ADGRG7: variants seen among roughly 807,000 people sequenced by gnomAD.
The protein encoded by ADGRG7 is adhesion G protein-coupled receptor G7.
ADGRG7 carries 82 observed loss-of-function variants against 88.6 expected under a neutral mutation model. That is an observed-to-expected ratio of 0.93 (90% CI 0.77 to 1.11). ADGRG7 has a LOEUF of 1.11. Among genes scored for constraint, ADGRG7 ranks in the 50% most tolerant of loss-of-function variants. The pLI is 0.00. For missense variants in ADGRG7, 945 were observed against 953.4 expected (o/e 0.99, Z 0.12); for synonymous variants, 381 against 345.2 (o/e 1.10, Z -1.15).
At position 100,628,677 on chromosome 3, in the gene ADGRG7, A is replaced by G. The variant is rs1280079872; in HGVS notation, c.116-921A>G. ...AACCCTGTATTCTTCCACTTAGTTAATTTGTTCACCTTTCACTCTGTTTTA... is the reference window on the plus strand; with the variant it reads ...AACCCTGTATTCTTCCACTTAGTTAGTTTGTTCACCTTTCACTCTGTTTTA... On this transcript the variant is annotated intron_variant, in intron 1 of 15. Transcript: ENST00000273352. Among the ~76,000 whole-genome samples the G allele has an allele frequency of 3.3e-5, 5 of 152,134 alleles. No homozygotes were observed. The East Asian group carries it at 9.6e-4, about 29-fold the overall frequency.
intron 4 of ADGRG7, among the ~76,000 whole-genome samples, chr3:100,634,280 C>G (rs1707500311): frequency 6.6e-6 from 1 of 152,160 alleles, no homozygotes; most frequent in Non-Finnish European, 1.5e-5. Flanking sequence ...CATATGTTAT[C>G]ACATTTAATC....
chr3:100,650,533 A>C (rs558268309), intron 11 of ADGRG7, among the ~76,000 whole-genome samples: 32 of 152,352 alleles, frequency 2.1e-4, no homozygotes, highest in South Asian at 4.1e-4. Flanking sequence ...AATGTTCCAC[A>C]ATGAAGATTT....
At position 100,651,696 on chromosome 3, in the gene ADGRG7, A is replaced by T. The variant is rs554495109; in HGVS notation, c.1379+1889A>T. The stretch of plus-strand genomic sequence containing the variant: ...ACATCTCAAACAAATTTTTTTTTTT[A>T]AAGAGAGAAAAAACAAAACAAAAAT... On this transcript the variant is annotated intron_variant, in intron 11 of 15. Transcript: ENST00000273352. Among the ~76,000 whole-genome samples the T allele has an allele frequency of 1.7e-3, 253 of 151,908 alleles. 2 individuals carry two copies. The highest frequency in any genetic ancestry group is 5.6e-3 in the African/African-American group (233 of 41,468).
intron 1 of ADGRG7, among the ~76,000 whole-genome samples, chr3:100,628,194 T>C (rs1386503368): frequency 1.3e-5 from 2 of 152,174 alleles, no homozygotes; most frequent in Non-Finnish European, 2.9e-5. Flanking sequence ...GTGGAAATAC[T>C]ATAGAGACTT....
At position 100,609,975 on chromosome 3, in the gene ADGRG7, ATGT is replaced by A; in HGVS notation, c.115+8_115+10del. 6.2e-7 allele frequency: 1 copy of A among 1,605,656 alleles called. No individual in the cohort carries two copies. The highest frequency in any genetic ancestry group is 1.1e-5 in the South Asian group (1 of 90,894). ...ATTGTGATCAGGATCCAAAGAGGTAATGTTGTCCTGCTATGTTTAACTCAGAGT... is the reference window on the plus strand; with the variant it reads ...ATTGTGATCAGGATCCAAAGAGGTAATGTCCTGCTATGTTTAACTCAGAGT... On this transcript the variant is annotated splice_donor_5th_base_variant and intron_variant, in intron 1 of 15. Coordinates refer to ENST00000273352, the MANE Select transcript of ADGRG7 (RefSeq NM_032787.3).
At chr3:100,636,494 A>G (rs78774300) in intron 5 of ADGRG7, among the ~76,000 whole-genome samples, 5,606 of 152,314 alleles carry the variant, frequency 0.037, 163 homozygotes, top group Non-Finnish European at 0.06. Context: ...GAAAACAAGT[A>G]TATTCAACAT....
chr3:100,662,856 A>G (rs1393775143), intron 14 of ADGRG7, among the ~76,000 whole-genome samples: 1 of 123,348 alleles, frequency 8.1e-6, no homozygotes, highest in Non-Finnish European at 1.9e-5. Flanking sequence ...TGGAGTTATT[A>G]TCGGGGGATG....
At position 100,659,698 on chromosome 3, in the gene ADGRG7, G is replaced by A; in HGVS notation, c.1834G>A (p.Ala612Thr). 3 of 1,612,974 alleles carry A rather than the reference G, an allele frequency of 1.9e-6. No homozygotes were observed. Among genetic ancestry groups the A allele is most frequent in the Non-Finnish European group, 2.5e-6 (3 of 1,179,660 alleles). Residue 612 changes from alanine to threonine, a missense_variant, in exon 14 of 16, where the codon GCA (alanine) becomes ACA (threonine). Transcript: ENST00000273352. ...TTTTTTCCTCCACAGCTGCTGGCTG[G>A]CAATTCCAGAACCCAATGGTGTTAT... is the stretch of plus-strand genomic sequence containing the variant. ...DYRQEKICWL[A>T]IPEPNGVIKS...
At position 100,646,099 on chromosome 3, in the gene ADGRG7, T is replaced by C. The variant is rs1021489760; in HGVS notation, c.1101T>C (p.Phe367=). 2 of 1,613,156 alleles carry C rather than the reference T, an allele frequency of 1.2e-6. No homozygotes were observed. The highest frequency in any genetic ancestry group is 1.7e-6 in the Non-Finnish European group (2 of 1,179,816). The change falls in exon 9 of 16, where the codon TTT becomes TTC. Residue 367 remains phenylalanine (F), a synonymous_variant. Transcript: ENST00000273352. Reference sequence around the variant, plus strand: ...AGAGTGCTTCTGTTGACATGGTCTTTAGTCCAAAGGTGAGTTTTTCATTGC... The same window carrying C: ...AGAGTGCTTCTGTTGACATGGTCTTCAGTCCAAAGGTGAGTTTTTCATTGC... ...QDQSASVDMV[F]SPKYNQKEFQ...
chr3:100,643,023 CT>C (rs1284917750), intron 6 of ADGRG7, among the ~76,000 whole-genome samples: 1 of 152,190 alleles, frequency 6.6e-6, no homozygotes, highest in Admixed American at 6.5e-5. Context: ...TGAGTTCTAC[CT>C]TTTTGCCATC....
intron 8 of ADGRG7, among the ~76,000 whole-genome samples, chr3:100,645,003 A>T (rs964546122): frequency 6.6e-6 from 1 of 152,218 alleles, no homozygotes; most frequent in Admixed American, 6.5e-5. Context: ...GCCACAGAGG[A>T]GGACAATTTG....
Position 100,645,075 on chromosome 3 carries a change from C to G in ADGRG7, c.947-870C>G, listed in dbSNP as rs183676532. ...CAGATGACTGAATACTCTGGTCTCA[C>G]ACCACAATGTTTTCCTTTTATCACT... On this transcript the variant is annotated intron_variant, in intron 8 of 15. Coordinates refer to ENST00000273352, the MANE Select transcript of ADGRG7 (RefSeq NM_032787.3). Among the ~76,000 whole-genome samples the G allele has an allele frequency of 2.4e-3, 361 of 152,350 alleles. 1 individual carries two copies. The highest frequency in any genetic ancestry group is 8.5e-3 in the African/African-American group (353 of 41,574).
rs866712136 is a variant in ADGRG7, at chr3:100,611,291, C to A, written c.115+1320C>A. On this transcript the variant is annotated intron_variant, in intron 1 of 15. Transcript: ENST00000273352. ...TCCTTCCTTCCTTCCTTCCTTCCTT[C>A]CTTCCTTCCTTTCTTCTTTCCTTCC... 1.4e-5 allele frequency among the ~76,000 whole-genome samples: 2 copies of A among 145,380 alleles called. 1 individual carries two copies. The highest frequency in any genetic ancestry group is 4.5e-4 in the South Asian group (2 of 4,414).
chr3:100,646,529 A>G, intron 9 of ADGRG7, 40 bp from the exon 10 acceptor site: 1 of 1,543,606 alleles, frequency 6.5e-7, no homozygotes, highest in Non-Finnish European at 8.9e-7. Context: ...CCAATTAAGT[A>G]TTTAGAAACA....
intron 11 of ADGRG7, among the ~76,000 whole-genome samples, chr3:100,652,904 T>C (rs1259039423): frequency 6.6e-6 from 1 of 151,890 alleles, no homozygotes; most frequent in Non-Finnish European, 1.5e-5. Context: ...TAGGTAAGCA[T>C]GAGAAGGGAA....
chr3:100,693,940 G>T (rs1472258314), intron 15 of ADGRG7, among the ~76,000 whole-genome samples: 2 of 152,216 alleles, frequency 1.3e-5, no homozygotes, highest in South Asian at 2.1e-4. Flanking sequence ...ACAGGCAACA[G>T]TATAGGCAGC....
At chr3:100,649,113 C>G (rs575778875) in intron 10 of ADGRG7, among the ~76,000 whole-genome samples, 83 of 152,238 alleles carry the variant, frequency 5.5e-4, no homozygotes, top group African/African-American at 1.8e-3. Flanking sequence ...ATAAGTGAGG[C>G]AACTTTTGAC....
chr3:100,690,166 C>T (rs1054235539), intron 15 of ADGRG7, among the ~76,000 whole-genome samples: 1 of 152,212 alleles, frequency 6.6e-6, no homozygotes, highest in Admixed American at 6.5e-5. Context: ...TTGATCGCAT[C>T]AGCTACTGAG....
At chr3:100,686,574 A>G (rs979185668) in intron 15 of ADGRG7, among the ~76,000 whole-genome samples, 2 of 152,236 alleles carry the variant, frequency 1.3e-5, no homozygotes, top group African/African-American at 2.4e-5. Context: ...GAAGGGATCC[A>G]GTTTCAGCTT....
Sources: gnomAD v4.1 joint callset for allele counts (sites outside exome capture counted in the v4.1 genomes callset) on GRCh38, gnomAD v4.1.1 for gene constraint, MANE v1.5 for transcripts, NCBI Gene and HGNC (gene_info 2026-07-23, HGNC 2026-07-21) for gene names.